Variants in TOP6BL observed in about 807,000 individuals in gnomAD.
The protein encoded by TOP6BL is TOP6B like initiator of meiotic double strand breaks, also known as type 2 DNA topoisomerase 6 subunit B-like.
the TOP6BL span, among the ~76,000 whole-genome samples, chr11:66,755,054 C>T: frequency 1.3e-5 from 2 of 151,876 alleles, no homozygotes; most frequent in African/African-American, 4.8e-5. Context: ...TCCCTGTCCC[C>T]TTATACTTAG....
the TOP6BL span, among the ~76,000 whole-genome samples, chr11:66,774,160 G>A: frequency 6.6e-6 from 1 of 152,018 alleles, no homozygotes; most frequent in African/African-American, 2.4e-5. Context: ...TTTTATTTAT[G>A]ATGTAAGTTA....
the TOP6BL span, among the ~76,000 whole-genome samples, chr11:66,791,721 C>T: frequency 6.6e-6 from 1 of 152,078 alleles, no homozygotes; most frequent in African/African-American, 2.4e-5. Flanking sequence ...AGTAAATTCA[C>T]TGCTTCTGTA....
At chr11:66,794,267 G>A in the TOP6BL span, among the ~76,000 whole-genome samples, 2 of 151,764 alleles carry the variant, frequency 1.3e-5, no homozygotes, top group African/African-American at 4.8e-5. Flanking sequence ...ACATGGCTGT[G>A]TATTCTCTGA....
At chr11:66,798,571 G>A in the TOP6BL span, among the ~76,000 whole-genome samples, 1 of 137,192 alleles carries the variant, frequency 7.3e-6, no homozygotes, top group Non-Finnish European at 1.5e-5. Flanking sequence ...TTGCACTCCA[G>A]CTTAGGTGAC....
the TOP6BL span, chr11:66,821,901 A>G: frequency 1.9e-6 from 2 of 1,071,890 alleles, no homozygotes; most frequent in Non-Finnish European, 2.7e-6. Flanking sequence ...GTGATCTTGT[A>G]ACACTGCATC....
At chr11:66,795,544 A>G in the TOP6BL span, among the ~76,000 whole-genome samples, 1 of 151,896 alleles carries the variant, frequency 6.6e-6, no homozygotes, top group Admixed American at 6.6e-5. Flanking sequence ...TCAGGTAATT[A>G]GCCCACCTCG....
chr11:66,817,497 A>AGCGT, the TOP6BL span, among the ~76,000 whole-genome samples: 2 of 152,044 alleles, frequency 1.3e-5, no homozygotes, highest in Non-Finnish European at 2.9e-5. Context: ...GGAGTGCAAT[A>AGCGT]GCGTGATCTT....
chr11:66,833,040 CTTTTTT>C, the TOP6BL span, among the ~76,000 whole-genome samples: 1 of 117,264 alleles, frequency 8.5e-6, no homozygotes, highest in Non-Finnish European at 1.7e-5. Flanking sequence ...ATCTTTCTGC[CTTTTTT>C]TTTTTTTTTT....
At chr11:66,775,684 A>C in the TOP6BL span, among the ~76,000 whole-genome samples, 1 of 152,152 alleles carries the variant, frequency 6.6e-6, no homozygotes, top group Non-Finnish European at 1.5e-5. Flanking sequence ...ATGGTTCTGC[A>C]ACCTCTTAAC....
chr11:66,744,803 G>T, the TOP6BL span: 27 of 1,288,150 alleles, frequency 2.1e-5, 1 homozygote, highest in African/African-American at 3.1e-5. Flanking sequence ...GGAGTTCCAA[G>T]CCCGGGCTGA....
the TOP6BL span, among the ~76,000 whole-genome samples, chr11:66,759,846 A>G: frequency 9.9e-4 from 150 of 152,088 alleles, no homozygotes; most frequent in Non-Finnish European, 1.8e-3. Flanking sequence ...GCCTCCCAAA[A>G]TGCTGGATTA....
chr11:66,796,177 C>G, the TOP6BL span: 1 of 836,816 alleles, frequency 1.2e-6, no homozygotes, highest in Non-Finnish European at 1.9e-6. Context: ...GTCCAAAAAG[C>G]TTTCTGAGGT....
the TOP6BL span, among the ~76,000 whole-genome samples, chr11:66,775,338 G>A: frequency 2.4e-3 from 371 of 152,232 alleles, 1 homozygote; most frequent in African/African-American, 8.2e-3. Flanking sequence ...TAAGGGGCTC[G>A]ACCAAGAGCA....
chr11:66,798,597 CA>C, the TOP6BL span, among the ~76,000 whole-genome samples: 1,680 of 43,250 alleles, frequency 0.039, 12 homozygotes, highest in East Asian at 0.12. Context: ...GACTCTGTCT[CA>C]AAAAAAAAAA....
At chr11:66,817,029 T>G in the TOP6BL span, among the ~76,000 whole-genome samples, 127 of 152,232 alleles carry the variant, frequency 8.3e-4, no homozygotes, top group African/African-American at 3.0e-3. Context: ...GGCAGCTTCT[T>G]GTAATCCCAG....
chr11:66,829,605 G>A, the TOP6BL span, among the ~76,000 whole-genome samples: 1 of 151,032 alleles, frequency 6.6e-6, no homozygotes. Flanking sequence ...TGATACAGAG[G>A]GGCTGGGAAC....
chr11:66,759,076 T>G, the TOP6BL span: 1 of 1,562,834 alleles, frequency 6.4e-7, no homozygotes, highest in Non-Finnish European at 8.7e-7. Context: ...GGTGGCATGG[T>G]CCTCAAGAAG....
chr11:66,770,163 C>T, the TOP6BL span, among the ~76,000 whole-genome samples: 7 of 152,192 alleles, frequency 4.6e-5, no homozygotes, highest in South Asian at 2.1e-4. Flanking sequence ...AGGCAGCTAT[C>T]TGAAAGCCAG....
chr11:66,798,597 C>CAAAAA, the TOP6BL span, among the ~76,000 whole-genome samples: 4 of 43,206 alleles, frequency 9.3e-5, no homozygotes, highest in Admixed American at 2.5e-4. Flanking sequence ...GACTCTGTCT[C>CAAAAA]AAAAAAAAAA....
Sources: gnomAD v4.1 joint callset for allele counts (sites outside exome capture counted in the v4.1 genomes callset) on GRCh38, gnomAD v4.1.1 for gene constraint, MANE v1.5 for transcripts, NCBI Gene and HGNC (gene_info 2026-07-23, HGNC 2026-07-21) for gene names.